The following GLMN variants were observed in gnomAD, a reference collection of about 807,000 sequenced individuals.
The protein encoded by GLMN is glomulin.
Under a neutral mutation model 87.8 loss-of-function variants are expected in GLMN, and 75 were observed. The observed-to-expected ratio is 0.85, with a 90% confidence interval of 0.71 to 1.04. GLMN has a LOEUF of 1.04. Ranked by LOEUF, GLMN falls within the 50% of genes least tolerant of loss-of-function variation. The probability of loss-of-function intolerance (pLI) is 0.00; values close to 1 mark genes in which losing one functional copy is unlikely to be tolerated. For missense variants in GLMN, 588 were observed against 658.8 expected, an observed-to-expected ratio of 0.89 and a Z score of 1.18; for synonymous variants, 206 against 221.6, an observed-to-expected ratio of 0.93 and a Z score of 0.63.
At chr1:92,324,503 C>G in the GLMN span, 5 of 747,958 alleles carry the variant, frequency 6.7e-6, no homozygotes, top group South Asian at 1.0e-4. Flanking sequence ...TTTAGTCATT[C>G]TGCCTTTTGG....
chr1:92,356,605 CTG>C, the GLMN span, among the ~76,000 whole-genome samples: 1 of 69,528 alleles, frequency 1.4e-5, no homozygotes, highest in African/African-American at 5.4e-5. Flanking sequence ...TTTTTTTTTT[CTG>C]TATTTTTAGT....
At chr1:92,342,870 G>T in the GLMN span, among the ~76,000 whole-genome samples, 1 of 152,110 alleles carries the variant, frequency 6.6e-6, no homozygotes, top group Non-Finnish European at 1.5e-5. Flanking sequence ...CTTAGTTTTG[G>T]GGGAAGGATG....
intron 3 of GLMN, among the ~76,000 whole-genome samples, chr1:92,294,387 A>G (rs1287458030): frequency 6.6e-6 from 1 of 152,222 alleles, no homozygotes; most frequent in East Asian, 1.9e-4. Context: ...TGCAGGGGGT[A>G]CATTCCAGGA....
chr1:92,366,012 G>A, the GLMN span, among the ~76,000 whole-genome samples: 36,361 of 152,068 alleles, frequency 0.24, 5,886 homozygotes, highest in East Asian at 0.85. Flanking sequence ...TGGAAATCAC[G>A]ATAGCTTCTT....
the GLMN span, among the ~76,000 whole-genome samples, chr1:92,331,868 T>C: frequency 3.3e-5 from 5 of 152,188 alleles, no homozygotes; most frequent in Non-Finnish European, 7.4e-5. Flanking sequence ...AAAATTATTT[T>C]ACTTTCACTT....
At chr1:92,318,451 C>G in the GLMN span, among the ~76,000 whole-genome samples, 1 of 152,180 alleles carries the variant, frequency 6.6e-6, no homozygotes, top group East Asian at 1.9e-4. Flanking sequence ...CATTGTATCC[C>G]TTTGGCCCTG....
intron 16 of GLMN, among the ~76,000 whole-genome samples, chr1:92,249,917 C>T (rs1280399078): frequency 6.6e-6 from 1 of 152,114 alleles, no homozygotes; most frequent in African/African-American, 2.4e-5. Context: ...ACATGTAGGT[C>T]CATCCACGTT....
the GLMN span, among the ~76,000 whole-genome samples, chr1:92,323,044 TTATATTTATATATATACTTTATATA>T: frequency 6.9e-6 from 1 of 145,344 alleles, no homozygotes; most frequent in African/African-American, 2.5e-5. Flanking sequence ...TTATATATCT[TTATATTTATATATATACTTTATATA>T]TATATTTATA....
chr1:92,359,469 G>A, the GLMN span, among the ~76,000 whole-genome samples: 388 of 152,288 alleles, frequency 2.5e-3, 3 homozygotes, highest in South Asian at 9.3e-3. Context: ...ACAGGCATGC[G>A]CCACCATGCC....
chr1:92,259,554 TTC>T (rs1323874979), intron 16 of GLMN, among the ~76,000 whole-genome samples: 2 of 152,022 alleles, frequency 1.3e-5, no homozygotes, highest in Admixed American at 6.6e-5. Context: ...TTGAATGTGA[TTC>T]TCTTCTTAAT....
chr1:92,264,495 T>A lies in GLMN; in HGVS notation c.1299+59A>T, dbSNP rs547685834. 5 of 800,406 alleles carry A rather than the reference T, an allele frequency of 6.2e-6. No individual in the cohort carries two copies. In the East Asian group the frequency reaches 9.9e-5, roughly 16 times the overall value. The allele number at this position is 800,406 out of a possible 1,614,324, so 49.6% of individuals were successfully genotyped here. On this transcript the variant is annotated intron_variant, in intron 14 of 18. Transcript: ENST00000370360. ...ATAACTCACATTAATGTATTCTACA[T>A]ATGAATAAATATACCCTACGAAATA...
chr1:92,355,175 A>AT, the GLMN span, among the ~76,000 whole-genome samples: 15 of 151,712 alleles, frequency 9.9e-5, no homozygotes, highest in African/African-American at 1.7e-4. Context: ...TTTATTTAAC[A>AT]TTTTTTTTAA....
chr1:92,257,158 C>T (rs1654383290), intron 16 of GLMN, among the ~76,000 whole-genome samples: 1 of 152,068 alleles, frequency 6.6e-6, no homozygotes, highest in South Asian at 2.1e-4. Flanking sequence ...ACAATTGCTA[C>T]AAAGAGAATA....
intron 16 of GLMN, among the ~76,000 whole-genome samples, chr1:92,251,493 C>T (rs1275353200): frequency 6.6e-6 from 1 of 152,060 alleles, no homozygotes; most frequent in Non-Finnish European, 1.5e-5. Context: ...TAAAACTATA[C>T]AATTTCTACA....
intron 9 of GLMN, among the ~76,000 whole-genome samples, chr1:92,269,068 G>A (rs573521548): frequency 1.5e-4 from 23 of 152,030 alleles, no homozygotes; most frequent in East Asian, 3.9e-4. Flanking sequence ...ACGGGCAGGC[G>A]CCACCACTCC....
the GLMN span, among the ~76,000 whole-genome samples, chr1:92,368,517 G>A: frequency 6.6e-6 from 1 of 152,152 alleles, no homozygotes; most frequent in Non-Finnish European, 1.5e-5. Flanking sequence ...TCTGTTGACA[G>A]AATACAAACT....
chr1:92,317,606 C>G, the GLMN span, among the ~76,000 whole-genome samples: 1 of 152,098 alleles, frequency 6.6e-6, no homozygotes, highest in Non-Finnish European at 1.5e-5. Flanking sequence ...TGAAAAAGTG[C>G]TGGAGATGCA....
intron 6 of GLMN, 116 bp downstream of exon 6, chr1:92,288,798 A>C: frequency 1.4e-6 from 1 of 714,468 alleles, no homozygotes; most frequent in Non-Finnish European, 2.5e-6. Flanking sequence ...TTCTTCTAAA[A>C]TTCAAAATCT....
the GLMN span, among the ~76,000 whole-genome samples, chr1:92,307,478 T>G: frequency 6.6e-6 from 1 of 152,202 alleles, no homozygotes; most frequent in Non-Finnish European, 1.5e-5. Context: ...CAAATGTTAT[T>G]TGTTTGTTGT....
Sources: gnomAD v4.1 joint callset for allele counts (sites outside exome capture counted in the v4.1 genomes callset) on GRCh38, gnomAD v4.1.1 for gene constraint, MANE v1.5 for transcripts, NCBI Gene and HGNC (gene_info 2026-07-23, HGNC 2026-07-21) for gene names.